Variants in NCR2 observed in about 807,000 individuals in gnomAD.
The protein encoded by NCR2 is natural cytotoxicity triggering receptor 2, also known as NK cell activating receptor (NKp44).
A neutral mutation model predicts 30.7 loss-of-function variants in NCR2; 35 were observed. That is an observed-to-expected ratio of 1.14 (90% CI 0.87 to 1.51). The LOEUF (loss-of-function observed/expected upper bound fraction) is 1.51. Among genes scored for constraint, NCR2 ranks in the 40% most tolerant of loss-of-function variants. NCR2 has a pLI of 0.00. For missense variants in NCR2, 316 were observed against 328.9 expected (o/e 0.96, Z 0.30); for synonymous variants, 146 against 134.8 (o/e 1.08, Z -0.58).
rs539565951 is a variant in NCR2 at position 41,344,419 on chromosome 6, G to A, written c.644+2270G>A. On this transcript the variant is annotated intron_variant, in intron 4 of 4. Coordinates refer to ENST00000373089, the MANE Select transcript of NCR2 (RefSeq NM_004828.4). ...CACAGTGCTGTTGTCTCTTTCTGAC[G>A]CTTACAATCCCGATGTTGGACCTAC... 1.1e-4 allele frequency among the ~76,000 whole-genome samples: 16 copies of A among 152,300 alleles called. No individual in the cohort carries two copies. The East Asian group carries it at 2.3e-3, about 22-fold the overall frequency.
At position 41,336,434 on chromosome 6, in the gene NCR2, C is replaced by A. The variant is rs763900852; in HGVS notation, c.394+6C>A. The A allele has an allele frequency of 1.2e-6, 2 of 1,608,190 alleles. No individual in the cohort carries two copies. Among genetic ancestry groups the A allele is most frequent in the East Asian group, 2.2e-5 (1 of 44,766 alleles). On this transcript the variant is annotated splice_donor_region_variant and intron_variant, in intron 2 of 4. Coordinates refer to ENST00000373089, the MANE Select transcript of NCR2 (RefSeq NM_004828.4). Reference sequence around the variant, plus strand: ...CTATCTGGTGGTATCTCCAGGTGAGCTCTTTCCCTAGGGTCCTCAGAGGGG... The same window carrying A: ...CTATCTGGTGGTATCTCCAGGTGAGATCTTTCCCTAGGGTCCTCAGAGGGG...
At chr6:41,336,001 G>GAGC in intron 1 of NCR2, 73 bp downstream of exon 1, 2 of 1,585,434 alleles carry the variant, frequency 1.3e-6, no homozygotes, top group Non-Finnish European at 1.7e-6. Flanking sequence ...CAGGGTCAGG[G>GAGC]AGCAGGTGGC....
chr6:41,350,335 T>A (rs1769397356), intron 4 of NCR2, among the ~76,000 whole-genome samples: 1 of 152,100 alleles, frequency 6.6e-6, no homozygotes, highest in Non-Finnish European at 1.5e-5. Flanking sequence ...GCAGAGACCA[T>A]CTGCCTTTCC....
intron 4 of NCR2, among the ~76,000 whole-genome samples, chr6:41,347,033 A>G (rs1769316967): frequency 6.6e-6 from 1 of 152,118 alleles, no homozygotes; most frequent in African/African-American, 2.4e-5. Context: ...TTCAGCTCCA[A>G]ATACCATCTT....
chr6:41,340,147 CTTTA>C lies in NCR2; in HGVS notation c.395-1620_395-1617del, dbSNP rs34270868. Among the ~76,000 whole-genome samples the C allele has an allele frequency of 1.7e-3, 250 of 147,316 alleles. 1 individual carries two copies. Among genetic ancestry groups the C allele is most frequent in the Middle Eastern group, 3.5e-3 (1 of 284 alleles). ...TACACTTTTGGGCTATAGCTAACAA[CTTTA>C]TTTATTTATTTATTTATTTATTTAT... On this transcript the variant is annotated intron_variant, in intron 2 of 4. Transcript: ENST00000373089.
intron 4 of NCR2, among the ~76,000 whole-genome samples, chr6:41,343,362 A>G (rs1308222392): frequency 1.3e-5 from 2 of 152,134 alleles, no homozygotes; most frequent in Non-Finnish European, 2.9e-5. Context: ...CACCTGTAAT[A>G]CCACCACTGT....
intron 2 of NCR2, among the ~76,000 whole-genome samples, chr6:41,338,791 C>T (rs754502504): frequency 3.2e-4 from 48 of 152,112 alleles, no homozygotes; most frequent in Non-Finnish European, 8.8e-5. Flanking sequence ...TGACCTAAGG[C>T]GTCAAGGGAA....
intron 2 of NCR2, among the ~76,000 whole-genome samples, chr6:41,338,160 A>G (rs926708270): frequency 6.6e-6 from 1 of 152,232 alleles, no homozygotes; most frequent in Non-Finnish European, 1.5e-5. Context: ...CAGTATAAAC[A>G]AGTCTGATGG....
chr6:41,347,241 G>A (rs1234239501), intron 4 of NCR2, among the ~76,000 whole-genome samples: 1 of 152,068 alleles, frequency 6.6e-6, no homozygotes, highest in Non-Finnish European at 1.5e-5. Flanking sequence ...ATTCATCCAG[G>A]AGCCACCCCT....
At position 41,345,052 on chromosome 6, in the gene NCR2, C is replaced by T. The variant is rs151152484; in HGVS notation, c.644+2903C>T. Among the ~76,000 whole-genome samples the T allele has an allele frequency of 4.6e-5, 7 of 152,250 alleles. No homozygotes were observed. The South Asian group carries it at 6.2e-4, about 14-fold the overall frequency. On this transcript the variant is annotated intron_variant, in intron 4 of 4. Transcript: ENST00000373089. ...CCCACTGCACACTCTCTCTCTGTGG[C>T]GCCCTGTGCCCTGAGCAGAGCATCT... is the stretch of plus-strand genomic sequence containing the variant.
chr6:41,344,706 T>C (rs1769256679), intron 4 of NCR2, among the ~76,000 whole-genome samples: 1 of 152,256 alleles, frequency 6.6e-6, no homozygotes, highest in Non-Finnish European at 1.5e-5. Flanking sequence ...TTTCCATATT[T>C]TCTATGTCCT....
chr6:41,336,933 A>C (rs1426745782), intron 2 of NCR2, among the ~76,000 whole-genome samples: 1 of 152,196 alleles, frequency 6.6e-6, no homozygotes, highest in Non-Finnish European at 1.5e-5. Context: ...CAGGAAATTC[A>C]AATTTCAGTG....
intron 4 of NCR2, among the ~76,000 whole-genome samples, chr6:41,346,454 C>T (rs551915197): frequency 6.6e-5 from 10 of 152,148 alleles, no homozygotes; most frequent in African/African-American, 1.9e-4. Context: ...CGCCCCTTTC[C>T]GCCATCTCAC....
At chr6:41,347,053 A>G (rs1769317589) in intron 4 of NCR2, among the ~76,000 whole-genome samples, 1 of 152,072 alleles carries the variant, frequency 6.6e-6, no homozygotes, top group Non-Finnish European at 1.5e-5. Flanking sequence ...TCTCTTGTCT[A>G]CACAAGAATA....
At chr6:41,338,522 A>G (rs1362931115) in intron 2 of NCR2, among the ~76,000 whole-genome samples, 1 of 152,236 alleles carries the variant, frequency 6.6e-6, no homozygotes, top group Non-Finnish European at 1.5e-5. Context: ...ACATACTCTT[A>G]CATAAAACTT....
At chr6:41,340,204 C>T (rs1052275741) in intron 2 of NCR2, among the ~76,000 whole-genome samples, 3 of 148,074 alleles carry the variant, frequency 2.0e-5, no homozygotes, top group African/African-American at 5.2e-5. Flanking sequence ...CTCTGTCACC[C>T]AGGCTGGAGT....
chr6:41,340,912 C>T (rs1769152017), intron 2 of NCR2, among the ~76,000 whole-genome samples: 1 of 152,062 alleles, frequency 6.6e-6, no homozygotes, highest in Non-Finnish European at 1.5e-5. Context: ...CCAGGGAGGA[C>T]CTTCCAGGGC....
chr6:41,341,902 C>A lies in NCR2; in HGVS notation c.503C>A (p.Ser168Tyr), dbSNP rs762311664. 5.6e-6 allele frequency: 9 copies of A among 1,613,986 alleles called. 1 individual carries two copies. The Admixed American group carries it at 1.5e-4, about 27-fold the overall frequency. ...GCAGGAGCCAGACAAGCCCCTGAGTCTCCATCTACCATCCCTGTCCCTTCA... is the reference window on the plus strand; with the variant it reads ...GCAGGAGCCAGACAAGCCCCTGAGTATCCATCTACCATCCCTGTCCCTTCA... ...PTAGARQAPE[S>Y]PSTIPVPSQP... The change falls in exon 3 of 5, where the codon TCT becomes TAT. Residue 168 changes from serine (S) to tyrosine (Y), a missense_variant. Transcript: ENST00000373089.
rs1389688177 is a variant in NCR2 at position 41,345,823 on chromosome 6, A to C, written c.644+3674A>C. The stretch of plus-strand genomic sequence containing the variant: ...GCACCTGAAGTGCGCAGTCATCAGC[A>C]CAAGCTCCTGTATGCTCAGCTTCTC... On this transcript the variant is annotated intron_variant, in intron 4 of 4. Transcript: ENST00000373089. 2.0e-5 allele frequency among the ~76,000 whole-genome samples: 3 copies of C among 152,158 alleles called. 1 individual carries two copies. Among genetic ancestry groups the C allele is most frequent in the African/African-American group, 7.2e-5 (3 of 41,436 alleles).
Sources: allele counts gnomAD v4.1 joint callset (sites outside exome capture counted in the v4.1 genomes callset), GRCh38; gene constraint gnomAD v4.1.1; transcripts MANE v1.5; gene names NCBI Gene and HGNC (gene_info 2026-07-23, HGNC 2026-07-21).